Variants in VANGL1 observed in about 807,000 individuals in gnomAD.
VANGL1 encodes the protein vang-like protein 1.
Under a neutral mutation model 48.4 loss-of-function variants are expected in VANGL1, and 18 were observed. That is an observed-to-expected ratio of 0.37 (90% confidence interval 0.26 to 0.55). The LOEUF (loss-of-function observed/expected upper bound fraction) is 0.55, where lower values mean the gene tolerates loss of function less well. Ranked by LOEUF, VANGL1 falls within the 20% of genes least tolerant of loss-of-function variation. VANGL1 has a pLI of 0.81. For synonymous variants in VANGL1, 257 were observed against 261.8 expected (o/e 0.98, Z 0.18); for missense variants, 667 against 675.8 (o/e 0.99, Z 0.14).
intron 4 of VANGL1, among the ~76,000 whole-genome samples, chr1:115,671,683 C>T (rs560358032): frequency 2.6e-5 from 4 of 152,168 alleles, no homozygotes; most frequent in African/African-American, 9.7e-5. Context: ...GCAGGGGAGG[C>T]GCAGTGCAGG....
intron 1 of VANGL1, among the ~76,000 whole-genome samples, chr1:115,650,501 C>T (rs1652097716): frequency 2.6e-5 from 4 of 152,154 alleles, no homozygotes; most frequent in South Asian, 2.1e-4. Context: ...TTTTCTGTGT[C>T]TCCTTTTAAA....
intron 4 of VANGL1, among the ~76,000 whole-genome samples, chr1:115,669,151 A>G (rs910973230): frequency 2.0e-5 from 3 of 152,232 alleles, no homozygotes; most frequent in South Asian, 2.1e-4. Flanking sequence ...TTAAGGAGGT[A>G]TATGAACATC....
chr1:115,665,641 C>T (rs934694438), intron 4 of VANGL1, among the ~76,000 whole-genome samples: 1 of 152,192 alleles, frequency 6.6e-6, no homozygotes, highest in African/African-American at 2.4e-5. Flanking sequence ...AGGTTGCTGC[C>T]ACCCTAACTG....
Position 115,695,625 on chromosome 1 carries a change from A to G in VANGL1, c.*4246A>G, listed in dbSNP as rs147501140. On this transcript the variant is annotated 3_prime_UTR_variant, in exon 8 of 8. Transcript: ENST00000355485. ...AACATGTTTTGGTCAAAGAAAGGAA[A>G]GGCTACTAACACATTTATCAGGTAA... 30 of 152,418 alleles carry G rather than the reference A, an allele frequency of 2.0e-4. 1 individual carries two copies. The highest frequency in any genetic ancestry group is 1.8e-3 in the Admixed American group (27 of 15,296). 9.4% of individuals were successfully genotyped at this position (152,418 alleles called of 1,614,324 possible). A position where few individuals can be genotyped will look rare whatever the true frequency, so the allele number is the denominator to read the frequency against.
intron 2 of VANGL1, among the ~76,000 whole-genome samples, chr1:115,652,231 C>T (rs1652179795): frequency 6.6e-6 from 1 of 152,194 alleles, no homozygotes; most frequent in African/African-American, 2.4e-5. Context: ...TTTGAAAACA[C>T]TGTCCTGAGT....
At position 115,673,642 on chromosome 1, in the gene VANGL1, C is replaced by A. The variant is rs932808526; in HGVS notation, c.813-8722C>A. Reference sequence around the variant, plus strand: ...TGAGACAGAGTCTTACTCTTTCGCCCAGGCTGGAGTGCCTTAGTGCGATCT... The same window carrying A: ...TGAGACAGAGTCTTACTCTTTCGCCAAGGCTGGAGTGCCTTAGTGCGATCT... On this transcript the variant is annotated intron_variant, in intron 4 of 7. Coordinates refer to ENST00000355485, the MANE Select transcript of VANGL1 (RefSeq NM_138959.3). Among the ~76,000 whole-genome samples the A allele has an allele frequency of 1.6e-4, 24 of 148,670 alleles. 1 individual carries two copies. The highest frequency in any genetic ancestry group is 5.5e-4 in the African/African-American group (22 of 39,932).
At position 115,685,288 on chromosome 1, in the gene VANGL1, T is replaced by A; in HGVS notation, c.1080-5T>A. 6.2e-7 allele frequency: 1 copy of A among 1,613,960 alleles called. No homozygotes were observed. The highest frequency in any genetic ancestry group is 8.5e-7 in the Non-Finnish European group (1 of 1,179,904). Reference sequence around the variant, plus strand: ...CTGATTACTTAGTGTTGCATCACCTTCTAGGCTGGTGGTTGCAGTGGAAGA... The same window carrying A: ...CTGATTACTTAGTGTTGCATCACCTACTAGGCTGGTGGTTGCAGTGGAAGA... On this transcript the variant is annotated splice_polypyrimidine_tract_variant and splice_region_variant and intron_variant, in intron 6 of 7. Transcript: ENST00000355485.
intron 4 of VANGL1, among the ~76,000 whole-genome samples, chr1:115,673,637 T>C (rs1020707465): frequency 6.7e-6 from 1 of 149,522 alleles, no homozygotes; most frequent in African/African-American, 2.5e-5. Context: ...TCTTACTCTT[T>C]CGCCCAGGCT....
intron 7 of VANGL1, among the ~76,000 whole-genome samples, chr1:115,688,940 C>G (rs1439125599): frequency 7.4e-6 from 1 of 134,728 alleles, no homozygotes. Flanking sequence ...CAGGCGCCCA[C>G]CACCACGCCC....
chr1:115,678,262 G>T (rs914816891), intron 4 of VANGL1, among the ~76,000 whole-genome samples: 6 of 152,210 alleles, frequency 3.9e-5, no homozygotes, highest in Non-Finnish European at 7.3e-5. Context: ...CTTCCTGAAA[G>T]AAGCCAGTCC....
intron 2 of VANGL1, among the ~76,000 whole-genome samples, chr1:115,652,417 A>G (rs1398354285): frequency 6.6e-6 from 1 of 152,182 alleles, no homozygotes; most frequent in Non-Finnish European, 1.5e-5. Context: ...ACTTGGTGAA[A>G]TTGCAGTGCT....
rs530593755 is a variant in VANGL1 at position 115,642,239 on chromosome 1, C to G, written c.-138+153C>G. ...TCGACCCCGGGTGGCCGGCTCCCGC[C>G]TCGGGCCGGGGGCTCCCTCCCCTCC... On this transcript the variant is annotated intron_variant, in intron 1 of 7. Coordinates refer to ENST00000355485, the MANE Select transcript of VANGL1 (RefSeq NM_138959.3). Among the ~76,000 whole-genome samples, 16 of 152,054 alleles carry G rather than the reference C, an allele frequency of 1.1e-4. 1 individual carries two copies. The highest frequency in any genetic ancestry group is 9.8e-4 in the Admixed American group (15 of 15,296).
At chr1:115,677,815 C>T (rs1653223504) in intron 4 of VANGL1, among the ~76,000 whole-genome samples, 1 of 152,150 alleles carries the variant, frequency 6.6e-6, no homozygotes, top group Admixed American at 6.5e-5. Context: ...AGGCTACTGC[C>T]TTTTCTCTCT....
chr1:115,652,879 G>A (rs1652205944), intron 2 of VANGL1, among the ~76,000 whole-genome samples: 1 of 152,184 alleles, frequency 6.6e-6, no homozygotes. Flanking sequence ...GAGAATGATG[G>A]AAATTTTCAT....
chr1:115,661,131 A>G (rs1392193758), intron 3 of VANGL1, among the ~76,000 whole-genome samples: 1 of 152,072 alleles, frequency 6.6e-6, no homozygotes, highest in Non-Finnish European at 1.5e-5. Flanking sequence ...TGGAGGCTGT[A>G]TTTTTTAGTA....
In VANGL1 at chr1:115,643,598, A is replaced by G. The variant is rs149507155; in HGVS notation, c.-138+1512A>G. Among the ~76,000 whole-genome samples, 51 of 152,312 alleles carry G rather than the reference A, an allele frequency of 3.3e-4. 1 individual carries two copies. The highest frequency in any genetic ancestry group is 1.2e-3 in the African/African-American group (49 of 41,568). ...TCAGTGTGGAATTTCACTATTAACAATGTTGGCAGTGAGGCTTGCTTGCAA... is the reference window on the plus strand; with the variant it reads ...TCAGTGTGGAATTTCACTATTAACAGTGTTGGCAGTGAGGCTTGCTTGCAA... On this transcript the variant is annotated intron_variant, in intron 1 of 7. Transcript: ENST00000355485.
intron 1 of VANGL1, among the ~76,000 whole-genome samples, chr1:115,644,311 A>T (rs1035277799): frequency 6.6e-6 from 1 of 152,236 alleles, no homozygotes; most frequent in Non-Finnish European, 1.5e-5. Flanking sequence ...TATTACATGT[A>T]AGTGACTTAA....
intron 4 of VANGL1, among the ~76,000 whole-genome samples, chr1:115,666,095 T>G (rs1652773901): frequency 6.6e-6 from 1 of 152,120 alleles, no homozygotes; most frequent in Non-Finnish European, 1.5e-5. Context: ...TAGAGAAAAA[T>G]CCGGCTGTGG....
intron 1 of VANGL1, among the ~76,000 whole-genome samples, chr1:115,646,723 A>C (rs571389900): frequency 6.6e-6 from 1 of 152,280 alleles, no homozygotes; most frequent in South Asian, 2.1e-4. Flanking sequence ...CAGTCATGAA[A>C]GTGCCTCTGC....
Sources: gnomAD v4.1 joint callset for allele counts (sites outside exome capture counted in the v4.1 genomes callset) on GRCh38, gnomAD v4.1.1 for gene constraint, MANE v1.5 for transcripts, NCBI Gene and HGNC (gene_info 2026-07-23, HGNC 2026-07-21) for gene names.